The following CBR4 variants were observed in gnomAD, a reference collection of about 807,000 sequenced individuals.
The protein encoded by CBR4 is 3-oxoacyl-[acyl-carrier-protein] reductase.
CBR4 carries 22 observed loss-of-function variants against 21.0 expected under a neutral mutation model. The observed-to-expected ratio is 1.05, with a 90% CI of 0.75 to 1.50. CBR4 has a LOEUF of 1.50. CBR4 is among the 40% of genes most tolerant of loss of function. The probability of loss-of-function intolerance (pLI) is 0.00; values close to 1 mark genes in which losing one functional copy is unlikely to be tolerated. For missense variants in CBR4, 302 were observed against 286.3 expected (o/e 1.05, Z -0.40); for synonymous variants, 100 against 104.4 (o/e 0.96, Z 0.26).
chr4:168,970,828 T>A (rs969331620), intron 2 of CBR4, among the ~76,000 whole-genome samples: 7 of 113,810 alleles, frequency 6.2e-5, no homozygotes, highest in African/African-American at 8.5e-5. Context: ...TGAGTAGTAG[T>A]CCATGATATA....
chr4:168,968,367 G>A (rs141023491), intron 2 of CBR4, among the ~76,000 whole-genome samples: 3 of 152,274 alleles, frequency 2.0e-5, no homozygotes, highest in Admixed American at 6.5e-5. Context: ...TTCACTGAAC[G>A]TCCAGGCAAT....
At chr4:168,994,266 A>G (rs1214561415) in intron 4 of CBR4, among the ~76,000 whole-genome samples, 1 of 152,276 alleles carries the variant, frequency 6.6e-6, no homozygotes, top group Non-Finnish European at 1.5e-5. Flanking sequence ...CTTAAGGCAC[A>G]GATCGCTCAT....
Position 168,897,395 on chromosome 4 carries a change from T to C in CBR4, n.170-2630A>G, listed in dbSNP as rs146094966. Among the ~76,000 whole-genome samples, 75 of 152,344 alleles carry C rather than the reference T, an allele frequency of 4.9e-4. No individual in the cohort carries two copies. In the East Asian group the frequency reaches 0.014, roughly 29 times the overall value. On this transcript the variant is annotated intron_variant and non_coding_transcript_variant, in intron 2 of 3. Coordinates refer to the CBR4 transcript ENST00000509108. ...TTAAGAGAAAACATAGTTAAAGTTA[T>C]CTTTCATTTAATATTAAATAGGGAA...
chr4:168,909,238 T>C (rs1758413573), intron 2 of CBR4, among the ~76,000 whole-genome samples: 1 of 152,192 alleles, frequency 6.6e-6, no homozygotes, highest in African/African-American at 2.4e-5. Flanking sequence ...TGCACTTGGA[T>C]TTTGGAATGG....
At chr4:168,982,733 CACAGT>C (rs1313172652), downstream of CBR4, among the ~76,000 whole-genome samples, 1 of 152,100 alleles carries the variant, frequency 6.6e-6, no homozygotes, top group Non-Finnish European at 1.5e-5. Flanking sequence ...CATACCACAG[CACAGT>C]AAAAACAGAA....
intron 2 of CBR4, among the ~76,000 whole-genome samples, chr4:168,900,534 A>C (rs1478742927): frequency 6.6e-6 from 1 of 152,076 alleles, no homozygotes; most frequent in Non-Finnish European, 1.5e-5. Context: ...GAAAAGTGAT[A>C]AAAAAATACC....
chr4:168,916,172 GA>G, intron 2 of CBR4: 6 of 836,408 alleles, frequency 7.2e-6, no homozygotes, highest in South Asian at 1.4e-5. Context: ...CAGCACTTTA[GA>G]GTCCAAAGCC....
chr4:168,929,005 G>A (rs994553981), intron 2 of CBR4, among the ~76,000 whole-genome samples: 11 of 152,180 alleles, frequency 7.2e-5, no homozygotes, highest in Admixed American at 2.0e-4. Context: ...GTATACACCA[G>A]AGGATGGGGA....
At chr4:168,971,434 TC>T (rs749561525) in intron 2 of CBR4, among the ~76,000 whole-genome samples, 15,939 of 67,966 alleles carry the variant, frequency 0.23, 1,232 homozygotes, top group Non-Finnish European at 0.29. Flanking sequence ...CATGCCCAGC[TC>T]ATTTTTTTTT....
In CBR4 at chr4:169,006,873, T is replaced by A. The variant is rs1730948324; in HGVS notation, c.282A>T (p.Arg94Ser). Residue 94 changes from arginine to serine, a missense_variant, in exon 3 of 5, where the codon AGA becomes AGT. Coordinates refer to ENST00000306193, the MANE Select transcript of CBR4 (RefSeq NM_032783.5). ...AGINRDGLLV[R>S]TKTEDMVSQL... ...GAGATACCATATCTTCAGTTTTTGT[T>A]CTTACTAAAAGACCATCCCTACAAA... 1.9e-6 allele frequency: 3 copies of A among 1,612,616 alleles called. No individual in the cohort carries two copies. Among genetic ancestry groups the A allele is most frequent in the Admixed American group, 1.7e-5 (1 of 60,000 alleles).
At chr4:168,939,399 G>A (rs781656118) in intron 2 of CBR4, among the ~76,000 whole-genome samples, 4 of 152,214 alleles carry the variant, frequency 2.6e-5, no homozygotes, top group East Asian at 1.9e-4. Flanking sequence ...AGACAAGAAC[G>A]CCCACTCTCA....
chr4:168,900,499 T>A (rs766005001), intron 2 of CBR4, among the ~76,000 whole-genome samples: 2 of 152,122 alleles, frequency 1.3e-5, no homozygotes, highest in Non-Finnish European at 2.9e-5. Context: ...ATAAAAAGCT[T>A]AATAGTGGCA....
At chr4:168,978,651 G>A (rs1476279325) in intron 2 of CBR4, among the ~76,000 whole-genome samples, 1 of 152,208 alleles carries the variant, frequency 6.6e-6, no homozygotes, top group Non-Finnish European at 1.5e-5. Flanking sequence ...GACACAGAAA[G>A]CGTGTGGAGT....
intron 2 of CBR4, among the ~76,000 whole-genome samples, chr4:168,905,802 T>C (rs951700630): frequency 1.7e-4 from 25 of 145,406 alleles, no homozygotes; most frequent in Middle Eastern, 3.5e-3. Flanking sequence ...TTTTTTTTTT[T>C]TTTTTTTTCT....
rs1421222581 is a variant in CBR4, at chr4:169,010,250, A to T, written c.-161T>A. On this transcript the variant is annotated 5_prime_UTR_variant, in exon 1 of 5. Coordinates refer to ENST00000306193, the MANE Select transcript of CBR4 (RefSeq NM_032783.5). ...CGCTCGACACCTCCTGCAGCCGCAC[A>T]ATAGTAATGCAAGACGCCGTGAAAA... 4.7e-6 allele frequency: 3 copies of T among 634,320 alleles called. No individual in the cohort carries two copies. Among genetic ancestry groups the T allele is most frequent in the Non-Finnish European group, 5.2e-6 (2 of 386,564 alleles). The allele number at this position is 634,320 out of a possible 1,614,324, so 39.3% of individuals were successfully genotyped here.
At chr4:168,982,783 T>G (rs1424983172), downstream of CBR4, among the ~76,000 whole-genome samples, 1 of 152,104 alleles carries the variant, frequency 6.6e-6, no homozygotes, top group Non-Finnish European at 1.5e-5. Flanking sequence ...AACATACAAT[T>G]AAATGGACAT....
At chr4:168,996,372 A>G (rs1037775427) in intron 4 of CBR4, among the ~76,000 whole-genome samples, 15 of 152,118 alleles carry the variant, frequency 9.9e-5, no homozygotes, top group Non-Finnish European at 7.4e-5. Flanking sequence ...AAAATTGAAC[A>G]CAACGTTCAG....
At chr4:168,959,760 T>G (rs1184477434) in intron 2 of CBR4, among the ~76,000 whole-genome samples, 2 of 151,918 alleles carry the variant, frequency 1.3e-5, no homozygotes, top group Admixed American at 1.3e-4. Flanking sequence ...AGATGGGGTT[T>G]CACCTTGTTG....
rs933037309 is a variant in CBR4 at position 168,921,415 on chromosome 4, A to G, written n.170-26650T>C. 1.2e-4 allele frequency: 77 copies of G among 637,034 alleles called. 1 individual carries two copies. In the African/African-American group the frequency reaches 1.4e-3, roughly 12 times the overall value. 39.5% of individuals were successfully genotyped at this position (637,034 alleles called of 1,614,324 possible). ...AGAGTGAAACTCTGTCCAAAAAAAA[A>G]AAAAAAAAAAAGCCACCTCTTGTAC... On this transcript the variant is annotated intron_variant and non_coding_transcript_variant, in intron 2 of 3. Transcript: ENST00000509108.
Sources: gnomAD v4.1 joint callset for allele counts (sites outside exome capture counted in the v4.1 genomes callset) on GRCh38, gnomAD v4.1.1 for gene constraint, MANE v1.5 for transcripts, NCBI Gene and HGNC (gene_info 2026-07-23, HGNC 2026-07-21) for gene names.